Variants in GRM7 observed in about 807,000 individuals in gnomAD.
GRM7 encodes the protein glutamate metabotropic receptor 7.
In GRM7, 35 loss-of-function variants were observed where a neutral mutation model predicts 84.5. The ratio of observed to expected loss-of-function variants is 0.41; its 90% CI spans 0.32 to 0.55. The LOEUF (loss-of-function observed/expected upper bound fraction) is 0.55, where lower values mean the gene tolerates loss of function less well. GRM7 is among the 20% of genes least tolerant of loss of function. The pLI is 0.19. For missense variants in GRM7, 1,003 were observed against 1,194.6 expected (o/e 0.84, Z 2.36); for synonymous variants, 487 against 455.1 (o/e 1.07, Z -0.89).
intron 8 of GRM7, among the ~76,000 whole-genome samples, chr3:7,662,302 C>CT (rs1699498414): frequency 6.6e-6 from 1 of 152,174 alleles, no homozygotes; most frequent in South Asian, 2.1e-4. Flanking sequence ...ATGCTGATAA[C>CT]TATCTTGACT....
chr3:7,325,737 A>G (rs566173688), intron 4 of GRM7, among the ~76,000 whole-genome samples: 87 of 152,304 alleles, frequency 5.7e-4, no homozygotes, highest in Non-Finnish European at 6.8e-4. Context: ...ATGCATCTCT[A>G]TATATTGAGT....
intron 1 of GRM7, among the ~76,000 whole-genome samples, chr3:6,948,837 G>C (rs1488235945): frequency 1.3e-5 from 2 of 152,078 alleles, no homozygotes; most frequent in Non-Finnish European, 2.9e-5. Flanking sequence ...TTTGATCTTT[G>C]TTGGTTTAAA....
intron 8 of GRM7, among the ~76,000 whole-genome samples, chr3:7,675,901 AATGACCAC>A (rs1210594431): frequency 2.6e-5 from 4 of 152,178 alleles, no homozygotes; most frequent in Admixed American, 2.6e-4. Context: ...ACTTCTTCGT[AATGACCAC>A]ATGAGGTACA....
At chr3:7,117,727 G>A (rs1308832284) in intron 1 of GRM7, among the ~76,000 whole-genome samples, 7 of 152,178 alleles carry the variant, frequency 4.6e-5, no homozygotes, top group African/African-American at 1.7e-4. Context: ...GCCATGTGAA[G>A]TTGAGCAAAT....
At chr3:7,566,928 G>A (rs1694309957) in intron 7 of GRM7, among the ~76,000 whole-genome samples, 1 of 152,238 alleles carries the variant, frequency 6.6e-6, no homozygotes, top group African/African-American at 2.4e-5. Context: ...TGGGAGTTTT[G>A]AATTCTGCAA....
intron 7 of GRM7, among the ~76,000 whole-genome samples, chr3:7,482,644 A>G (rs1036387551): frequency 6.6e-6 from 1 of 152,218 alleles, no homozygotes; most frequent in African/African-American, 2.4e-5. Context: ...TCTGAGCCCT[A>G]TTGTGAAAGA....
chr3:6,950,765 C>G (rs928246901), intron 1 of GRM7, among the ~76,000 whole-genome samples: 47 of 152,248 alleles, frequency 3.1e-4, no homozygotes, highest in African/African-American at 1.1e-3. Flanking sequence ...GCAGGCGCCC[C>G]TCCCCCAGCC....
intron 9 of GRM7, among the ~76,000 whole-genome samples, chr3:7,713,114 A>ATTTTTTTT (rs1165234212): frequency 7.7e-6 from 1 of 129,906 alleles, no homozygotes; most frequent in Non-Finnish European, 1.6e-5. Context: ...GAGGATTCGA[A>ATTTTTTTT]TTTTGTTTTG....
At chr3:7,182,914 T>C (rs1198812341) in intron 2 of GRM7, among the ~76,000 whole-genome samples, 2 of 151,656 alleles carry the variant, frequency 1.3e-5, no homozygotes, top group African/African-American at 4.8e-5. Context: ...TTTTTTTTTT[T>C]TCAATGAAAA....
At chr3:7,691,226 C>T (rs954240119) in intron 9 of GRM7, 1 of 1,275,040 alleles carries the variant, frequency 7.8e-7, no homozygotes, top group Non-Finnish European at 1.0e-6. Context: ...CTGAGGACCT[C>T]AGCTTGCACA....
At chr3:7,414,452 C>A (rs1012031875) in intron 4 of GRM7, among the ~76,000 whole-genome samples, 3 of 152,156 alleles carry the variant, frequency 2.0e-5, no homozygotes, top group Middle Eastern at 3.2e-3. Flanking sequence ...CTCTGACTCT[C>A]TTGCAAGATC....
At chr3:7,372,802 A>G (rs1330290939) in intron 4 of GRM7, among the ~76,000 whole-genome samples, 1 of 152,038 alleles carries the variant, frequency 6.6e-6, no homozygotes, top group African/African-American at 2.4e-5. Context: ...GGTGTATGTG[A>G]CAGGGGTGTG....
At chr3:7,079,775 A>G (rs2124995711) in intron 1 of GRM7, among the ~76,000 whole-genome samples, 1 of 152,300 alleles carries the variant, frequency 6.6e-6, no homozygotes, top group African/African-American at 2.4e-5. Context: ...TAATTTCTAG[A>G]AAAGTAATTT....
At chr3:7,608,609 TATTAGAC>T (rs1390806504) in intron 8 of GRM7, among the ~76,000 whole-genome samples, 1 of 152,206 alleles carries the variant, frequency 6.6e-6, no homozygotes, top group Non-Finnish European at 1.5e-5. Context: ...AGGAGCTGGA[TATTAGAC>T]TTTTGTCACA....
chr3:7,115,822 A>T (rs942309056), intron 1 of GRM7, among the ~76,000 whole-genome samples: 1 of 152,154 alleles, frequency 6.6e-6, no homozygotes, highest in Non-Finnish European at 1.5e-5. Context: ...CAATAAGCAT[A>T]TATGTGTCAG....
At chr3:7,550,813 C>A (rs1044349986) in intron 7 of GRM7, among the ~76,000 whole-genome samples, 1 of 151,974 alleles carries the variant, frequency 6.6e-6, no homozygotes, top group Non-Finnish European at 1.5e-5. Context: ...TTGGATGGTG[C>A]GTACTCAAAT....
In GRM7 at chr3:7,738,517, C is replaced by G. The variant is rs1416736413; in HGVS notation, c.2699-1840C>G. ...TTTTAACTTAATCCCAGCCAATGCT[C>G]AGCTTTACAATTTGGGGATCATATT... On this transcript the variant is annotated intron_variant, in intron 9 of 9. Coordinates refer to ENST00000357716, the MANE Select transcript of GRM7 (RefSeq NM_000844.4). 4.6e-5 allele frequency among the ~76,000 whole-genome samples: 7 copies of G among 152,260 alleles called. 1 individual carries two copies. In the South Asian group the frequency reaches 6.2e-4, roughly 14 times the overall value.
chr3:6,970,989 AAC>A (rs1362438137), intron 1 of GRM7, among the ~76,000 whole-genome samples: 1 of 151,340 alleles, frequency 6.6e-6, no homozygotes, highest in Admixed American at 6.6e-5. Flanking sequence ...CTCAAAAACA[AAC>A]AAACAAACAA....
chr3:7,339,874 CTG>C (rs1242413066), intron 4 of GRM7, among the ~76,000 whole-genome samples: 1 of 152,096 alleles, frequency 6.6e-6, no homozygotes, highest in Admixed American at 6.6e-5. Flanking sequence ...TGACCGCTGA[CTG>C]TGTTCATTTA....
Sources: allele counts gnomAD v4.1 joint callset (sites outside exome capture counted in the v4.1 genomes callset), GRCh38; gene constraint gnomAD v4.1.1; transcripts MANE v1.5; gene names NCBI Gene and HGNC (gene_info 2026-07-23, HGNC 2026-07-21).